Variants in CDH12 observed in about 807,000 individuals in gnomAD.
CDH12 encodes cadherin 12.
In CDH12, 41 loss-of-function variants were observed where a neutral mutation model predicts 74.1. The ratio of observed to expected loss-of-function variants is 0.55; its 90% CI spans 0.43 to 0.72. CDH12 has a LOEUF of 0.72. Among genes scored for constraint, CDH12 ranks in the 30% least tolerant of loss-of-function variants. CDH12 has a pLI of 0.00. For missense variants in CDH12, 945 were observed against 977.2 expected (o/e 0.97, Z 0.44); for synonymous variants, 399 against 355.0 (o/e 1.12, Z -1.39).
At chr5:22,251,680 A>G (rs1228055235) in intron 3 of CDH12, among the ~76,000 whole-genome samples, 2 of 152,210 alleles carry the variant, frequency 1.3e-5, no homozygotes, top group African/African-American at 4.8e-5. Flanking sequence ...AGTCAATCTT[A>G]TTAAATAGAA....
chr5:22,236,655 G>C (rs1218301146), intron 3 of CDH12, among the ~76,000 whole-genome samples: 1 of 152,148 alleles, frequency 6.6e-6, no homozygotes, highest in Non-Finnish European at 1.5e-5. Context: ...GCTGAGGCAG[G>C]AGAATTGCTT....
intron 1 of CDH12, among the ~76,000 whole-genome samples, chr5:22,549,531 T>C (rs1299138325): frequency 6.6e-6 from 1 of 152,174 alleles, no homozygotes; most frequent in Non-Finnish European, 1.5e-5. Flanking sequence ...CTGAGTTAAA[T>C]AATAGAACAA....
intron 6 of CDH12, chr5:21,884,367 A>G: frequency 1.0e-6 from 1 of 991,922 alleles, no homozygotes; most frequent in African/African-American, 1.6e-5. Flanking sequence ...AGCCCAAGGC[A>G]GTGTTCCTCA....
At chr5:22,271,802 T>C (rs1736412226) in intron 3 of CDH12, among the ~76,000 whole-genome samples, 1 of 152,000 alleles carries the variant, frequency 6.6e-6, no homozygotes, top group Non-Finnish European at 1.5e-5. Flanking sequence ...CTTTTTTTTT[T>C]CTGAGCAGTG....
chr5:22,117,448 AAT>A (rs545748935), intron 4 of CDH12, among the ~76,000 whole-genome samples: 18 of 89,910 alleles, frequency 2.0e-4, no homozygotes, highest in Middle Eastern at 4.8e-3. Flanking sequence ...ATATATATAT[AAT>A]ATATATATTA....
chr5:22,642,917 A>T (rs1171069732), intron 1 of CDH12, among the ~76,000 whole-genome samples: 1 of 152,118 alleles, frequency 6.6e-6, no homozygotes, highest in Non-Finnish European at 1.5e-5. Context: ...TCTAGAATTG[A>T]CTTGACTTTT....
intron 5 of CDH12, among the ~76,000 whole-genome samples, chr5:22,047,825 C>A (rs1740066776): frequency 2.0e-5 from 3 of 152,172 alleles, no homozygotes. Context: ...TACTCAGTGT[C>A]CTACTTCTAA....
At chr5:21,886,539 TAATATATATA>T (rs572157091) in intron 6 of CDH12, among the ~76,000 whole-genome samples, 3 of 146,724 alleles carry the variant, frequency 2.0e-5, no homozygotes, top group South Asian at 2.1e-4. Flanking sequence ...ATATTATATA[TAATATATATA>T]AATATATATA....
chr5:22,632,268 CAAT>C (rs1156480535), intron 1 of CDH12, among the ~76,000 whole-genome samples: 5 of 152,050 alleles, frequency 3.3e-5, no homozygotes, highest in Admixed American at 3.3e-4. Flanking sequence ...GCCTGCAGAA[CAAT>C]GAGACATTTA....
intron 4 of CDH12, among the ~76,000 whole-genome samples, chr5:22,123,350 T>C (rs1409449793): frequency 5.9e-5 from 9 of 152,200 alleles, no homozygotes; most frequent in Non-Finnish European, 1.3e-4. Context: ...AAATCTGTTG[T>C]TAGTAAACCA....
chr5:22,705,115 T>C (rs912887172), intron 1 of CDH12, among the ~76,000 whole-genome samples: 4 of 57,562 alleles, frequency 6.9e-5, no homozygotes, highest in African/African-American at 2.8e-4. Flanking sequence ...CCCCACCCAG[T>C]CATATATATA....
chr5:21,754,278 C>T (rs1744260558), intron 14 of CDH12, among the ~76,000 whole-genome samples: 1 of 152,106 alleles, frequency 6.6e-6, no homozygotes, highest in South Asian at 2.1e-4. Flanking sequence ...ATTAGTGACT[C>T]CATTTTGACT....
At chr5:22,535,440 G>A (rs559680126) in intron 1 of CDH12, among the ~76,000 whole-genome samples, 2 of 152,276 alleles carry the variant, frequency 1.3e-5, no homozygotes, top group African/African-American at 4.8e-5. Context: ...ACAGGCGTGA[G>A]CCAACGCACC....
chr5:22,263,993 C>A (rs1383832287), intron 3 of CDH12, among the ~76,000 whole-genome samples: 1 of 151,630 alleles, frequency 6.6e-6, no homozygotes, highest in Non-Finnish European at 1.5e-5. Context: ...AACATACTTC[C>A]CTACCATTAG....
intron 1 of CDH12, among the ~76,000 whole-genome samples, chr5:22,841,983 T>A (rs1466604852): frequency 6.6e-6 from 1 of 152,020 alleles, no homozygotes; most frequent in African/African-American, 2.4e-5. Flanking sequence ...CATAATAAAA[T>A]ATGAAAATAT....
intron 7 of CDH12, among the ~76,000 whole-genome samples, chr5:21,843,016 C>T (rs149805421): frequency 1.3e-5 from 2 of 152,240 alleles, no homozygotes; most frequent in East Asian, 3.9e-4. Flanking sequence ...CTTTACAGTA[C>T]ATGTACATAT....
At chr5:22,529,157 ACACATGTG>A (rs1224879774) in intron 1 of CDH12, among the ~76,000 whole-genome samples, 12 of 141,918 alleles carry the variant, frequency 8.5e-5, no homozygotes, top group Non-Finnish European at 1.2e-4. Flanking sequence ...ACATATATAT[ACACATGTG>A]TATATATATA....
rs540671514 is a variant in CDH12 at position 22,780,379 on chromosome 5, G to A, written c.-523+72679C>T. Among the ~76,000 whole-genome samples the A allele has an allele frequency of 1.2e-3, 188 of 152,192 alleles. 1 individual carries two copies. Among genetic ancestry groups the A allele is most frequent in the Admixed American group, 5.4e-3 (82 of 15,270 alleles). On this transcript the variant is annotated intron_variant, in intron 1 of 14. Coordinates refer to ENST00000382254, the MANE Select transcript of CDH12 (RefSeq NM_004061.5). ...GTCTCAGGCTGCTATAAAGAAATAC[G>A]TGAGATTGGGTAATTTACAAAGAAA...
intron 1 of CDH12, among the ~76,000 whole-genome samples, chr5:22,755,543 C>A (rs1329671914): frequency 2.0e-5 from 3 of 151,934 alleles, no homozygotes; most frequent in Non-Finnish European, 4.4e-5. Context: ...GTAAAAAGTT[C>A]TTGAAGGTAG....
Sources: gnomAD v4.1 joint callset for allele counts (sites outside exome capture counted in the v4.1 genomes callset) on GRCh38, gnomAD v4.1.1 for gene constraint, MANE v1.5 for transcripts, NCBI Gene and HGNC (gene_info 2026-07-23, HGNC 2026-07-21) for gene names.